The following NT5E variants were observed in gnomAD, a reference collection of about 807,000 sequenced individuals.
The protein encoded by NT5E is 5'-nucleotidase ecto, also known as 5'-nucleotidase.
In NT5E, 53 loss-of-function variants were observed where a neutral mutation model predicts 55.1. That is an observed-to-expected ratio of 0.96 (90% confidence interval 0.77 to 1.21). The LOEUF is 1.21. NT5E is among the 50% of genes most tolerant of loss of function. The pLI is 0.00. For synonymous variants in NT5E, 270 were observed against 278.4 expected (o/e 0.97, Z 0.30); for missense variants, 683 against 724.3 (o/e 0.94, Z 0.65).
intron 1 of NT5E, among the ~76,000 whole-genome samples, chr6:85,463,664 T>G (rs1198197082): frequency 1.3e-5 from 2 of 152,212 alleles, no homozygotes; most frequent in Non-Finnish European, 2.9e-5. Context: ...TTTCATGTTA[T>G]TAATCAAAAA....
In NT5E at chr6:85,494,500, C is replaced by G. The variant is rs1366572931; in HGVS notation, c.*496C>G. 1 of 169,156 alleles carries G rather than the reference C, an allele frequency of 5.9e-6. No individual in the cohort carries two copies. The highest frequency in any genetic ancestry group is 2.4e-5 in the African/African-American group (1 of 41,548). The allele number at this position is 169,156 out of a possible 1,614,324, so 10.5% of individuals were successfully genotyped here. A position where few individuals can be genotyped will look rare whatever the true frequency, so the allele number is the denominator to read the frequency against. On this transcript the variant is annotated 3_prime_UTR_variant, in exon 9 of 9. Transcript: ENST00000257770. ...ACCATACAGCTAATGCTGACAGATC[C>G]AAGACCTAGACCTAGGTCTTTTGAA...
rs1195369528 is a variant in NT5E at position 85,475,078 on chromosome 6, TAATG to T, written c.751+3657_751+3660del. 7.2e-5 allele frequency among the ~76,000 whole-genome samples: 11 copies of T among 152,336 alleles called. No homozygotes were observed. In the East Asian group the frequency reaches 2.1e-3, roughly 29 times the overall value. On this transcript the variant is annotated intron_variant, in intron 3 of 8. Coordinates refer to ENST00000257770, the MANE Select transcript of NT5E (RefSeq NM_002526.4). Reference sequence around the variant, plus strand: ...TTATGGAATTAGAATGACATTAAAATAATGAATCTGATAAATATGATTAGTTAAT... The same window carrying T: ...TTATGGAATTAGAATGACATTAAAATAATCTGATAAATATGATTAGTTAAT...
In NT5E at chr6:85,490,658, G is replaced by GT; in HGVS notation, c.1360+2dup. ...ACTGGAGAGTTCCTGCAGGTGGGCG[G>GT]TAAGTCACCCATCCTGTAGGGCTGG... On this transcript the variant is annotated splice_donor_variant, in intron 7 of 8. Coordinates refer to ENST00000257770, the MANE Select transcript of NT5E (RefSeq NM_002526.4). LOFTEE classifies it high-confidence loss of function. 2.5e-6 allele frequency: 4 copies of GT among 1,613,856 alleles called. No individual in the cohort carries two copies. The African/African-American group carries it at 4.0e-5, about 16-fold the overall frequency.
At position 85,467,104 on chromosome 6, in the gene NT5E, C is replaced by T. The variant is rs775801582; in HGVS notation, c.384C>T (p.Ile128=). The change falls in exon 2 of 9, where the codon ATC becomes ATT. Residue 128 remains isoleucine, a synonymous_variant. Transcript: ENST00000257770. The part of the protein sequence containing the change: ...HEFDNGVEGL[I]EPLLKEAKFP... ...TTGATAATGGTGTGGAAGGACTGATCGAGCCACTCCTCAAAGAGGCCAAAT... is the reference window on the plus strand; with the variant it reads ...TTGATAATGGTGTGGAAGGACTGATTGAGCCACTCCTCAAAGAGGCCAAAT... The T allele has an allele frequency of 1.2e-5, 19 of 1,611,746 alleles. No homozygotes were observed. Among genetic ancestry groups the T allele is most frequent in the Middle Eastern group, 1.6e-4 (1 of 6,078 alleles).
chr6:85,467,085 A>C lies in NT5E; in HGVS notation c.365A>C (p.Asn122Thr). The C allele has an allele frequency of 6.2e-7, 1 of 1,614,094 alleles. No homozygotes were observed. Among genetic ancestry groups the C allele is most frequent in the Non-Finnish European group, 8.5e-7 (1 of 1,179,994 alleles). ...GCACTGGGAAATCATGAATTTGATAATGGTGTGGAAGGACTGATCGAGCCA... is the reference window on the plus strand; with the variant it reads ...GCACTGGGAAATCATGAATTTGATACTGGTGTGGAAGGACTGATCGAGCCA... ...AMALGNHEFD[N>T]GVEGLIEPLL... Residue 122 changes from asparagine (N) to threonine (T), a missense_variant, in exon 2 of 9, where the codon AAT becomes ACT. Transcript: ENST00000257770.
At chr6:85,481,898 A>G (rs553699070) in intron 3 of NT5E, among the ~76,000 whole-genome samples, 4 of 152,232 alleles carry the variant, frequency 2.6e-5, no homozygotes, top group Non-Finnish European at 5.9e-5. Context: ...AGCATAGAAG[A>G]GACCTACAGA....
intron 3 of NT5E, among the ~76,000 whole-genome samples, chr6:85,476,167 AAGTTCAG>A (rs1009944244): frequency 5.3e-4 from 81 of 152,132 alleles, no homozygotes; most frequent in African/African-American, 1.9e-3. Context: ...CCAATACCCC[AAGTTCAG>A]AGTCCCTTGA....
In NT5E at chr6:85,492,055, G is replaced by T. The variant is rs773781046; in HGVS notation, c.1439G>T (p.Arg480Leu). 4.9e-5 allele frequency: 79 copies of T among 1,614,046 alleles called. No individual in the cohort carries two copies. Among genetic ancestry groups the T allele is most frequent in the Non-Finnish European group, 6.3e-5 (74 of 1,180,040 alleles). ...VKLDVLCTKC[R>L]VPSYDPLKMD... The stretch of plus-strand genomic sequence containing the variant: ...TTAGATGTTCTTTGCACCAAGTGTC[G>T]AGTGCCCAGTTATGACCCTCTCAAA... The change falls in exon 8 of 9, where the codon CGA becomes CTA. Residue 480 changes from arginine (R) to leucine (L), a missense_variant. Arg to Leu is a moderately radical substitution (Grantham distance 102). Coordinates refer to ENST00000257770, the MANE Select transcript of NT5E (RefSeq NM_002526.4).
intron 1 of NT5E, among the ~76,000 whole-genome samples, chr6:85,452,201 T>C (rs973113390): frequency 6.6e-6 from 1 of 152,264 alleles, no homozygotes; most frequent in African/African-American, 2.4e-5. Flanking sequence ...AAGGGTAGAA[T>C]AAACTTACAT....
chr6:85,451,095 G>A (rs1768847876), intron 1 of NT5E, among the ~76,000 whole-genome samples: 1 of 152,104 alleles, frequency 6.6e-6, no homozygotes, highest in Middle Eastern at 3.2e-3. Context: ...GTTCTATCCT[G>A]TATAAAAATA....
rs144566178 is a variant in NT5E at position 85,470,458 on chromosome 6, T to A, written c.563-779T>A. Among the ~76,000 whole-genome samples the A allele has an allele frequency of 7.7e-3, 1,180 of 152,308 alleles. 14 individuals carry two copies. Among genetic ancestry groups the A allele is most frequent in the African/African-American group, 0.027 (1,102 of 41,562 alleles). ...AATGCTGGCATTATTTATATATTTA[T>A]ATATTTTTTGAGGCAGAGTCTTGCT... On this transcript the variant is annotated intron_variant, in intron 2 of 8. Coordinates refer to ENST00000257770, the MANE Select transcript of NT5E (RefSeq NM_002526.4).
rs1010496686 is a variant in NT5E, at chr6:85,463,794, G to A, written c.340-3266G>A. On this transcript the variant is annotated intron_variant, in intron 1 of 8. Coordinates refer to ENST00000257770, the MANE Select transcript of NT5E (RefSeq NM_002526.4). Reference sequence around the variant, plus strand: ...GAGTAGCATGATCCTGAAGAGCTTAGGAATCACTGAGTTCTCGTAAGTGCA... The same window carrying A: ...GAGTAGCATGATCCTGAAGAGCTTAAGAATCACTGAGTTCTCGTAAGTGCA... 3.9e-5 allele frequency among the ~76,000 whole-genome samples: 6 copies of A among 152,258 alleles called. No homozygotes were observed. The East Asian group carries it at 9.6e-4, about 24-fold the overall frequency.
chr6:85,451,167 G>C (rs528099343), intron 1 of NT5E, among the ~76,000 whole-genome samples: 3 of 152,294 alleles, frequency 2.0e-5, no homozygotes, highest in African/African-American at 7.2e-5. Flanking sequence ...GACACATAGT[G>C]TGGTGTCTAT....
intron 1 of NT5E, among the ~76,000 whole-genome samples, chr6:85,452,757 T>G (rs923736105): frequency 2.6e-5 from 4 of 152,238 alleles, no homozygotes; most frequent in Non-Finnish European, 5.9e-5. Context: ...CACTGTCAAT[T>G]GTTTATATTA....
chr6:85,476,309 T>C (rs1218723046), intron 3 of NT5E, among the ~76,000 whole-genome samples: 2 of 152,226 alleles, frequency 1.3e-5, no homozygotes, highest in Non-Finnish European at 2.9e-5. Context: ...ATAGTTCCCT[T>C]GACCCCTTCG....
At chr6:85,464,299 A>C (rs749120420) in intron 1 of NT5E, among the ~76,000 whole-genome samples, 23 of 152,164 alleles carry the variant, frequency 1.5e-4, no homozygotes, top group Non-Finnish European at 3.4e-4. Context: ...GCATGAAATC[A>C]GATTTTCTGT....
chr6:85,469,025 G>A (rs972693943), intron 2 of NT5E, among the ~76,000 whole-genome samples: 1 of 152,168 alleles, frequency 6.6e-6, no homozygotes, highest in Admixed American at 6.5e-5. Flanking sequence ...GCCTGGTGTG[G>A]GTTCTTCCTA....
intron 3 of NT5E, among the ~76,000 whole-genome samples, chr6:85,477,126 C>T (rs1406727495): frequency 6.6e-6 from 1 of 152,030 alleles, no homozygotes; most frequent in East Asian, 1.9e-4. Flanking sequence ...TTAGAGCTCA[C>T]CTTCAGACTT....
At chr6:85,455,994 C>G (rs554959847) in intron 1 of NT5E, among the ~76,000 whole-genome samples, 1 of 150,342 alleles carries the variant, frequency 6.7e-6, no homozygotes, top group Non-Finnish European at 1.5e-5. Flanking sequence ...GGGGGCTGGT[C>G]GCCAGAAAGA....
Sources: allele counts gnomAD v4.1 joint callset (sites outside exome capture counted in the v4.1 genomes callset), GRCh38; gene constraint gnomAD v4.1.1; transcripts MANE v1.5; gene names NCBI Gene and HGNC (gene_info 2026-07-23, HGNC 2026-07-21).